SENP2: variants seen among roughly 807,000 people sequenced by gnomAD.
The protein encoded by SENP2 is SUMO specific peptidase 2, also known as sentrin-specific protease 2.
A neutral mutation model predicts 86.3 loss-of-function variants in SENP2; 16 were observed. The observed-to-expected ratio is 0.19, with a 90% confidence interval of 0.13 to 0.28. SENP2 has a LOEUF of 0.28. Among genes scored for constraint, SENP2 ranks in the 10% least tolerant of loss-of-function variants. The pLI, the probability that SENP2 is intolerant of heterozygous loss-of-function variation, is 1.00. For missense variants in SENP2, 552 were observed against 703.0 expected, an observed-to-expected ratio of 0.79 and a Z score of 2.43; for synonymous variants, 222 against 238.7, an observed-to-expected ratio of 0.93 and a Z score of 0.64.
In SENP2 at chr3:185,632,612, C is replaced by T. The variant is rs1413934481; in HGVS notation, c.*2768C>T. The T allele has an allele frequency of 2.0e-5, 3 of 152,584 alleles. No homozygotes were observed. Among genetic ancestry groups the T allele is most frequent in the African/African-American group, 7.3e-5 (3 of 41,354 alleles). The allele number at this position is 152,584 out of a possible 1,614,324, so 9.5% of individuals were successfully genotyped here. ...CTATCTCAGCTCACTGCAACCCCCA[C>T]CTCCCAGGTTCAAGCGATTCTCCTG... On this transcript the variant is annotated 3_prime_UTR_variant, in exon 17 of 17. Transcript: ENST00000296257.
rs1722735344 is a variant in SENP2 at position 185,612,671 on chromosome 3, A to G, written c.869+13A>G. On this transcript the variant is annotated intron_variant, in intron 9 of 16. Coordinates refer to ENST00000296257, the MANE Select transcript of SENP2 (RefSeq NM_021627.3). Reference sequence around the variant, plus strand: ...GAAGTGAAAAGAGGTACGTACATTCAGTTCATTCTACACTTTCTTTTAATA... The same window carrying G: ...GAAGTGAAAAGAGGTACGTACATTCGGTTCATTCTACACTTTCTTTTAATA... 8 of 1,571,780 alleles carry G rather than the reference A, an allele frequency of 5.1e-6. No homozygotes were observed. The African/African-American group carries it at 9.5e-5, about 19-fold the overall frequency.
rs1247129977 is a variant in SENP2 at position 185,606,601 on chromosome 3, T to C, written c.618+103T>C. On this transcript the variant is annotated intron_variant, in intron 6 of 16. Coordinates refer to ENST00000296257, the MANE Select transcript of SENP2 (RefSeq NM_021627.3). ...TGGTTCAACGTTTGACATACCATTG[T>C]AGGTTTTCCTACAATACAGCCTCCA... 11 of 1,009,604 alleles carry C rather than the reference T, an allele frequency of 1.1e-5. No individual in the cohort carries two copies. In the South Asian group the frequency reaches 1.5e-4, roughly 14 times the overall value. The allele number at this position is 1,009,604 out of a possible 1,614,324, so 62.5% of individuals were successfully genotyped here. A position where few individuals can be genotyped will look rare whatever the true frequency, so the allele number is the denominator to read the frequency against.
chr3:185,612,972 C>T (rs1722744221), intron 9 of SENP2, among the ~76,000 whole-genome samples: 1 of 152,244 alleles, frequency 6.6e-6, no homozygotes, highest in Non-Finnish European at 1.5e-5. Flanking sequence ...GGCAGCTCTG[C>T]ATGCTTTAGG....
intron 15 of SENP2, among the ~76,000 whole-genome samples, chr3:185,624,600 G>C (rs944631201): frequency 6.6e-6 from 1 of 152,050 alleles, no homozygotes; most frequent in African/African-American, 2.4e-5. Context: ...TTTGGGCCAG[G>C]CGCGGTGGCT....
intron 13 of SENP2, among the ~76,000 whole-genome samples, chr3:185,620,990 G>C (rs1241480304): frequency 6.6e-6 from 1 of 151,110 alleles, no homozygotes; most frequent in Non-Finnish European, 1.5e-5. Context: ...TTAAAAATTT[G>C]CTGGGCGTGG....
intron 6 of SENP2, among the ~76,000 whole-genome samples, chr3:185,608,802 A>G (rs1039736093): frequency 6.6e-6 from 1 of 152,238 alleles, no homozygotes; most frequent in Non-Finnish European, 1.5e-5. Flanking sequence ...AGAGAGATCA[A>G]GTAACATAAG....
chr3:185,616,210 C>T (rs1328152990), intron 11 of SENP2, among the ~76,000 whole-genome samples: 33 of 147,044 alleles, frequency 2.2e-4, no homozygotes, highest in African/African-American at 7.7e-4. Context: ...TGGTGGCTCA[C>T]GCCTGTAATC....
At chr3:185,588,682 C>T (rs115650735) in intron 1 of SENP2, among the ~76,000 whole-genome samples, 190 of 152,212 alleles carry the variant, frequency 1.2e-3, no homozygotes, top group Middle Eastern at 0.01. Flanking sequence ...TCTCTCCTAT[C>T]TTTCCGTTGG....
chr3:185,587,791 G>C (rs1721843926), intron 1 of SENP2, among the ~76,000 whole-genome samples: 1 of 144,094 alleles, frequency 6.9e-6, no homozygotes. Flanking sequence ...CTGAAGTGCG[G>C]TGGCACGATC....
chr3:185,628,458 G>A (rs1377359205), intron 16 of SENP2, among the ~76,000 whole-genome samples: 2 of 151,340 alleles, frequency 1.3e-5, no homozygotes, highest in African/African-American at 4.9e-5. Context: ...TTATAGTAAG[G>A]GACATCCAAC....
chr3:185,617,031 C>A (rs556150651), intron 11 of SENP2, among the ~76,000 whole-genome samples: 1 of 152,056 alleles, frequency 6.6e-6, no homozygotes, highest in Non-Finnish European at 1.5e-5. Context: ...GTGGTTAATA[C>A]GTAGTAGTAG....
At chr3:185,608,343 G>T (rs774514719) in intron 6 of SENP2, among the ~76,000 whole-genome samples, 4 of 152,174 alleles carry the variant, frequency 2.6e-5, no homozygotes, top group Non-Finnish European at 4.4e-5. Context: ...TAGAAATATT[G>T]GTAGGTAGTA....
chr3:185,604,176 C>T (rs534954318), intron 5 of SENP2, among the ~76,000 whole-genome samples: 1 of 152,200 alleles, frequency 6.6e-6, no homozygotes, highest in Admixed American at 6.5e-5. Context: ...TATTTTACTT[C>T]CTCTTTGACC....
At chr3:185,595,678 G>A (rs1722151839) in intron 2 of SENP2, among the ~76,000 whole-genome samples, 1 of 152,148 alleles carries the variant, frequency 6.6e-6, no homozygotes, top group African/African-American at 2.4e-5. Flanking sequence ...ATTGTAGAAA[G>A]CTTACATCAG....
chr3:185,605,355 G>C (rs185910535), intron 5 of SENP2, among the ~76,000 whole-genome samples: 184 of 151,610 alleles, frequency 1.2e-3, no homozygotes, highest in Non-Finnish European at 2.1e-3. Flanking sequence ...TGGAGGACAA[G>C]AGTGAAACTT....
At chr3:185,601,136 C>T (rs946170370) in intron 5 of SENP2, among the ~76,000 whole-genome samples, 6 of 149,378 alleles carry the variant, frequency 4.0e-5, no homozygotes, top group African/African-American at 1.5e-4. Flanking sequence ...CTCTGCCTTC[C>T]AGGTTCAAGC....
At chr3:185,591,565 A>T (rs915670906) in intron 2 of SENP2, among the ~76,000 whole-genome samples, 1 of 151,778 alleles carries the variant, frequency 6.6e-6, no homozygotes, top group African/African-American at 2.4e-5. Context: ...GTTAGCCAGG[A>T]TAGTCTCAGT....
At chr3:185,625,814 G>A (rs901557819) in intron 15 of SENP2, among the ~76,000 whole-genome samples, 1 of 152,144 alleles carries the variant, frequency 6.6e-6, no homozygotes, top group African/African-American at 2.4e-5. Flanking sequence ...TTTTAAAATT[G>A]ATAAATGCTT....
intron 1 of SENP2, among the ~76,000 whole-genome samples, chr3:185,588,063 T>C (rs1330354414): frequency 7.8e-6 from 1 of 127,408 alleles, no homozygotes; most frequent in African/African-American, 3.1e-5. Flanking sequence ...TTTTTTTTTT[T>C]TTTTTTTTTT....
Sources: allele counts gnomAD v4.1 joint callset (sites outside exome capture counted in the v4.1 genomes callset), GRCh38; gene constraint gnomAD v4.1.1; transcripts MANE v1.5; gene names NCBI Gene and HGNC (gene_info 2026-07-23, HGNC 2026-07-21).